ASZ1: variants seen among roughly 807,000 people sequenced by gnomAD.
ASZ1 encodes ankyrin repeat, SAM and basic leucine zipper domain-containing protein 1.
ASZ1 carries 67 observed loss-of-function variants against 61.8 expected under a neutral mutation model. The ratio of observed to expected loss-of-function variants is 1.08; its 90% confidence interval spans 0.89 to 1.33. ASZ1 has a LOEUF of 1.33. Among genes scored for constraint, ASZ1 ranks in the 40% most tolerant of loss-of-function variants. ASZ1 has a pLI of 0.00. For missense variants in ASZ1, 577 were observed against 554.5 expected (o/e 1.04, Z -0.41); for synonymous variants, 193 against 192.7 (o/e 1.00, Z -0.01).
chr7:117,368,293 CTGTTT>C, intron 11 of ASZ1: 6 of 988,212 alleles, frequency 6.1e-6, no homozygotes, highest in Non-Finnish European at 7.3e-6. Flanking sequence ...AAATAACACA[CTGTTT>C]TATTTCCATT....
At chr7:117,379,502 T>G (rs1032415999) in intron 10 of ASZ1, among the ~76,000 whole-genome samples, 4 of 151,784 alleles carry the variant, frequency 2.6e-5, no homozygotes, top group Non-Finnish European at 4.4e-5. Context: ...GTTTACATAT[T>G]GGTAACATAA....
chr7:117,416,520 A>G (rs939067727), intron 4 of ASZ1, among the ~76,000 whole-genome samples: 19 of 152,222 alleles, frequency 1.2e-4, no homozygotes, highest in African/African-American at 4.6e-4. Context: ...TATTATATTC[A>G]GTTAAAGAAA....
intron 4 of ASZ1, among the ~76,000 whole-genome samples, chr7:117,410,659 TA>T (rs1170574976): frequency 6.6e-6 from 1 of 151,468 alleles, no homozygotes; most frequent in East Asian, 1.9e-4. Flanking sequence ...CAATAAATTA[TA>T]AACTCATACA....
Position 117,427,305 on chromosome 7 carries a change from G to A in ASZ1, c.105+51C>T, listed in dbSNP as rs780809220. 8 of 1,584,516 alleles carry A rather than the reference G, an allele frequency of 5.0e-6. No individual in the cohort carries two copies. In the South Asian group the frequency reaches 6.6e-5, roughly 13 times the overall value. ...ACGAGGCTGGGCCTCGCCTTCGAGG[G>A]CCAGGGGAGGCTGAAACCAGGTGTG... On this transcript the variant is annotated intron_variant, in intron 1 of 12. Transcript: ENST00000284629.
At chr7:117,416,611 G>A (rs2116528665) in intron 4 of ASZ1, among the ~76,000 whole-genome samples, 1 of 152,282 alleles carries the variant, frequency 6.6e-6, no homozygotes, top group East Asian at 1.9e-4. Context: ...GTTGCTTCTG[G>A]TGGAGAGGGA....
chr7:117,368,762 G>C (rs1455020122), intron 10 of ASZ1, 45 bp from the exon 11 acceptor site: 2 of 1,601,130 alleles, frequency 1.2e-6, no homozygotes, highest in Non-Finnish European at 1.7e-6. Flanking sequence ...ACTAATAAGA[G>C]CAATTTATTT....
intron 4 of ASZ1, among the ~76,000 whole-genome samples, chr7:117,409,907 T>C (rs1796859367): frequency 6.6e-6 from 1 of 151,804 alleles, no homozygotes. Flanking sequence ...TATTTCTGAC[T>C]TTGCTTGTTA....
chr7:117,406,421 G>A (rs1332598067), intron 4 of ASZ1, among the ~76,000 whole-genome samples: 1 of 152,106 alleles, frequency 6.6e-6, no homozygotes, highest in African/African-American at 2.4e-5. Context: ...ATAAAAGTTG[G>A]TAATAATAAC....
At chr7:117,418,408 A>T (rs1304076030) in intron 4 of ASZ1, among the ~76,000 whole-genome samples, 1 of 152,182 alleles carries the variant, frequency 6.6e-6, no homozygotes, top group Non-Finnish European at 1.5e-5. Flanking sequence ...TAATCCTAGC[A>T]CTTTGGGAGG....
Position 117,367,407 on chromosome 7 carries a change from T to A in ASZ1, c.1220A>T (p.Asn407Ile). 1 of 1,573,554 alleles carries A rather than the reference T, an allele frequency of 6.4e-7. No individual in the cohort carries two copies. Among genetic ancestry groups the A allele is most frequent in the South Asian group, 1.2e-5 (1 of 83,242 alleles). Reference protein sequence around the residue: ...NFTSVCEELVNNVEDLSEKVC... With the variant: ...NFTSVCEELVINVEDLSEKVC... ...CTTTTCACTCAAATCTTCAACATTATTAACCAATTCTTCACAAACTGAAGT... is the reference window on the plus strand; with the variant it reads ...CTTTTCACTCAAATCTTCAACATTAATAACCAATTCTTCACAAACTGAAGT... Residue 407 changes from asparagine to isoleucine, a missense_variant, in exon 12 of 13, where the codon AAT becomes ATT. By Grantham distance (149) the Asn-to-Ile change is moderately radical (BLOSUM62 -3). Coordinates refer to ENST00000284629, the MANE Select transcript of ASZ1 (RefSeq NM_130768.3).
At chr7:117,426,488 C>CAAAAAAAAAAAAAAAAAAAAAAAA (rs10625452) in intron 2 of ASZ1, among the ~76,000 whole-genome samples, 1 of 34,024 alleles carries the variant, frequency 2.9e-5, no homozygotes, top group Admixed American at 4.0e-4. Flanking sequence ...GATAACATCT[C>CAAAAAAAAAAAAAAAAAAAAAAAA]AAAAAAAAAA....
rs377493865 is a variant in ASZ1 at position 117,385,739 on chromosome 7, G to A, written c.511C>T (p.His171Tyr). The A allele has an allele frequency of 1.3e-4, 210 of 1,613,086 alleles. No homozygotes were observed. Among genetic ancestry groups the A allele is most frequent in the Non-Finnish European group, 1.7e-4 (197 of 1,179,444 alleles). The change falls in exon 5 of 13, where the codon CAT (histidine) becomes TAT (tyrosine). Residue 171 changes from histidine to tyrosine, a missense_variant. Physicochemically the swap from His to Tyr is moderately conservative, Grantham distance 83. Transcript: ENST00000284629. ...HTQVVALLVA[H>Y]GAEVNTQDEN... ...TCCTGGGTATTAACTTCTGCTCCAT[G>A]AGCAACAAGGAGAGCAACAACCTGG...
At chr7:117,398,822 C>T (rs1796622444) in intron 4 of ASZ1, among the ~76,000 whole-genome samples, 1 of 152,184 alleles carries the variant, frequency 6.6e-6, no homozygotes, top group South Asian at 2.1e-4. Flanking sequence ...CTGTTTACAA[C>T]TGCCTAAATG....
chr7:117,374,697 A>T (rs1483883831), intron 10 of ASZ1, among the ~76,000 whole-genome samples: 1 of 152,092 alleles, frequency 6.6e-6, no homozygotes, highest in Non-Finnish European at 1.5e-5. Context: ...AGAAAAGAAT[A>T]CTAAGCTGGT....
At chr7:117,382,856 C>G in intron 7 of ASZ1, 130 bp downstream of exon 7, 1 of 1,053,982 alleles carries the variant, frequency 9.5e-7, no homozygotes. Flanking sequence ...ACTAAAAACC[C>G]AGACATTTAA....
At chr7:117,403,168 A>C (rs1003125371) in intron 4 of ASZ1, among the ~76,000 whole-genome samples, 1 of 152,180 alleles carries the variant, frequency 6.6e-6, no homozygotes, top group South Asian at 2.1e-4. Context: ...ATGCTGAAGA[A>C]GGCTTGGTTA....
chr7:117,387,329 C>CAA (rs919834690), intron 4 of ASZ1, among the ~76,000 whole-genome samples: 2 of 151,346 alleles, frequency 1.3e-5, no homozygotes, highest in Non-Finnish European at 2.9e-5. Context: ...ACAACAACAA[C>CAA]AACAACAACA....
At position 117,384,727 on chromosome 7, in the gene ASZ1, T is replaced by A; in HGVS notation, c.686A>T (p.Glu229Val). Residue 229 changes from glutamate (E) to valine (V), a missense_variant and splice_region_variant, in exon 6 of 13, where the codon GAG (glutamate) becomes GTG (valine). Transcript: ENST00000284629. The part of the protein sequence containing the change: ...SEIAKRNKHH[E>V]IFNLLSFTLN... ...AGTTTAATATGTACAGAAGGATACC[T>A]CATGATGTTTGTTTCTTTTTGCAAT... 1.2e-6 allele frequency: 2 copies of A among 1,611,680 alleles called. No homozygotes were observed. The highest frequency in any genetic ancestry group is 1.7e-6 in the Non-Finnish European group (2 of 1,178,742).
In ASZ1 at chr7:117,420,087, C is replaced by T. The variant is rs1237253330; in HGVS notation, c.440+76G>A. 8.6e-6 allele frequency: 9 copies of T among 1,040,480 alleles called. No homozygotes were observed. The Admixed American group carries it at 2.0e-4, about 23-fold the overall frequency. 64.5% of individuals were successfully genotyped at this position (1,040,480 alleles called of 1,614,324 possible). On this transcript the variant is annotated intron_variant, in intron 4 of 12. Transcript: ENST00000284629. ...ACTATTTGGCCAAGTAAACATTGTT[C>T]ATGATTTTTAAAAGGCTGATACCAA...
Sources: gnomAD v4.1 joint callset for allele counts (sites outside exome capture counted in the v4.1 genomes callset) on GRCh38, gnomAD v4.1.1 for gene constraint, MANE v1.5 for transcripts, NCBI Gene and HGNC (gene_info 2026-07-23, HGNC 2026-07-21) for gene names.